HTR2C: variants seen among roughly 807,000 people sequenced by gnomAD.
The protein encoded by HTR2C is 5-hydroxytryptamine (serotonin) receptor 2C, G protein-coupled.
HTR2C carries 5 observed loss-of-function variants against 21.0 expected under a neutral mutation model. That is an observed-to-expected ratio of 0.24 (90% confidence interval 0.12 to 0.50). The LOEUF (loss-of-function observed/expected upper bound fraction) is 0.50, where lower values mean the gene tolerates loss of function less well. HTR2C is among the 20% of genes least tolerant of loss of function. The pLI, the probability that HTR2C is intolerant of heterozygous loss-of-function variation, is 0.98. For missense variants in HTR2C, 271 were observed against 371.2 expected (o/e 0.73, Z 2.22); for synonymous variants, 150 against 145.3 (o/e 1.03, Z -0.23).
intron 1 of HTR2C, among the ~76,000 whole-genome samples, chrX:114,601,886 A>G (rs782781538): frequency 0.014 from 1,313 of 94,202 alleles, 36 homozygotes; most frequent in African/African-American, 0.05. Flanking sequence ...AGTGGGAGGG[A>G]TTAAGCTGAA....
intron 2 of HTR2C, chrX:114,715,384 GAA>G (rs782773695): frequency 1.4e-5 from 5 of 358,002 alleles, no homozygotes. Flanking sequence ...GTTATAAAGT[GAA>G]AAGTTTGTGA....
In HTR2C at chrX:114,795,857, C is replaced by G. The variant is rs782469027; in HGVS notation, c.350-52146C>G. 1.9e-4 allele frequency among the ~76,000 whole-genome samples: 21 copies of G among 111,201 alleles called. No individual in the cohort carries two copies. In the South Asian group the frequency reaches 7.5e-3, roughly 40 times the overall value. On this transcript the variant is annotated intron_variant, in intron 4 of 5. Coordinates refer to ENST00000276198, the MANE Select transcript of HTR2C (RefSeq NM_000868.4). The stretch of plus-strand genomic sequence containing the variant: ...CTATCCTGGATCTACGTCAAACAGA[C>G]CAACTCACCACAAATCAAAGATCTA...
intron 4 of HTR2C, among the ~76,000 whole-genome samples, chrX:114,785,376 A>C (rs1009597032): frequency 2.0e-4 from 22 of 112,235 alleles, no homozygotes; most frequent in Non-Finnish European, 3.4e-4. Flanking sequence ...GAATTAGAAA[A>C]TTGGTCTCAA....
intron 4 of HTR2C, among the ~76,000 whole-genome samples, chrX:114,840,412 G>A (rs977082180): frequency 1.8e-5 from 2 of 110,999 alleles, no homozygotes; most frequent in African/African-American, 6.5e-5. Context: ...ACAGTATAAT[G>A]GAGATGACAG....
At chrX:114,868,554 T>A (rs1556475367) in intron 5 of HTR2C, among the ~76,000 whole-genome samples, 1 of 112,302 alleles carries the variant, frequency 8.9e-6, no homozygotes, top group East Asian at 2.8e-4. Flanking sequence ...TGATTGATCC[T>A]GCCATCTGCC....
At chrX:114,614,481 A>G (rs1389728655) in intron 2 of HTR2C, among the ~76,000 whole-genome samples, 8 of 110,641 alleles carry the variant, frequency 7.2e-5, no homozygotes, top group African/African-American at 9.9e-5. Context: ...GCTGGTCTCG[A>G]ACTCCTGACC....
intron 2 of HTR2C, among the ~76,000 whole-genome samples, chrX:114,669,817 T>G (rs1216383680): frequency 8.9e-6 from 1 of 112,804 alleles, no homozygotes; most frequent in Non-Finnish European, 1.9e-5. Context: ...CTAAGAGTAT[T>G]GTATGCATTT....
At chrX:114,699,609 G>A (rs782272110) in intron 2 of HTR2C, among the ~76,000 whole-genome samples, 74 of 111,787 alleles carry the variant, frequency 6.6e-4, no homozygotes, top group Non-Finnish European at 1.2e-3. Flanking sequence ...CTCATTAAGT[G>A]TATTTTGTTA....
At chrX:114,844,049 A>G (rs1403596416) in intron 4 of HTR2C, among the ~76,000 whole-genome samples, 2 of 111,779 alleles carry the variant, frequency 1.8e-5, no homozygotes, top group African/African-American at 3.2e-5. Context: ...CATATAAAGA[A>G]ATAAAAAACA....
chrX:114,605,822 T>G, intron 1 of HTR2C, among the ~76,000 whole-genome samples: 1 of 100,211 alleles, frequency 1.0e-5, no homozygotes, highest in Non-Finnish European at 2.0e-5. Flanking sequence ...AGTAGAGAAA[T>G]GGAGGAAAGG....
chrX:114,800,991 G>A (rs781958516), intron 4 of HTR2C, among the ~76,000 whole-genome samples: 1 of 111,327 alleles, frequency 9.0e-6, no homozygotes, highest in Non-Finnish European at 1.9e-5. Flanking sequence ...ATATAAGGCA[G>A]CAGTGAAAGA....
chrX:114,775,592 T>C, intron 4 of HTR2C: 1 of 495,890 alleles, frequency 2.0e-6, no homozygotes, highest in Non-Finnish European at 3.8e-6. Context: ...GGAAAGAGGA[T>C]TGACATCCAA....
intron 2 of HTR2C, among the ~76,000 whole-genome samples, chrX:114,614,488 G>T (rs930760287): frequency 1.8e-5 from 2 of 110,598 alleles, no homozygotes; most frequent in East Asian, 5.7e-4. Flanking sequence ...TCGAACTCCT[G>T]ACCTCAGGTG....
At chrX:114,734,564 T>TAAAA (rs61672860) in intron 4 of HTR2C, among the ~76,000 whole-genome samples, 6 of 34,298 alleles carry the variant, frequency 1.7e-4, no homozygotes, top group Non-Finnish European at 2.5e-4. Flanking sequence ...GCCTTACATG[T>TAAAA]AAAAAAAAAA....
chrX:114,809,329 G>T (rs782626172), intron 4 of HTR2C, among the ~76,000 whole-genome samples: 7 of 109,991 alleles, frequency 6.4e-5, no homozygotes, highest in Admixed American at 3.9e-4. Flanking sequence ...AATCACTCAA[G>T]GCCCATGGGG....
chrX:114,610,760 CAG>C (rs1223687888), intron 1 of HTR2C, among the ~76,000 whole-genome samples: 3 of 110,697 alleles, frequency 2.7e-5, no homozygotes, highest in Admixed American at 9.7e-5. Flanking sequence ...CTTGAAATGA[CAG>C]AGCGTTAATC....
At chrX:114,882,944 C>G (rs981048058) in intron 5 of HTR2C, among the ~76,000 whole-genome samples, 5 of 109,955 alleles carry the variant, frequency 4.5e-5, no homozygotes, top group Admixed American at 1.9e-4. Context: ...TATATAACTT[C>G]TAATATCTTT....
At chrX:114,618,692 T>A (rs1252694947) in intron 2 of HTR2C, among the ~76,000 whole-genome samples, 1 of 112,194 alleles carries the variant, frequency 8.9e-6, no homozygotes, top group Non-Finnish European at 1.9e-5. Context: ...GTGTGGAAGC[T>A]TTTATATGCT....
chrX:114,905,111 G>T (rs1426344063), intron 5 of HTR2C, among the ~76,000 whole-genome samples: 1 of 110,815 alleles, frequency 9.0e-6, no homozygotes, highest in Non-Finnish European at 1.9e-5. Context: ...ACTGTTTGCA[G>T]TGCCTCCTCA....
Sources: allele counts gnomAD v4.1 joint callset (sites outside exome capture counted in the v4.1 genomes callset), GRCh38; gene constraint gnomAD v4.1.1; transcripts MANE v1.5; gene names NCBI Gene and HGNC (gene_info 2026-07-23, HGNC 2026-07-21).